TRPM2: variants seen among roughly 807,000 people sequenced by gnomAD.
TRPM2 encodes transient receptor potential cation channel subfamily M member 2.
Under a neutral mutation model 174.0 loss-of-function variants are expected in TRPM2, and 161 were observed. That is an observed-to-expected ratio of 0.93 (90% CI 0.81 to 1.05). TRPM2 has a LOEUF of 1.05. TRPM2 is among the 50% of genes least tolerant of loss of function. The pLI is 0.00. For synonymous variants in TRPM2, 954 were observed against 861.3 expected (o/e 1.11, Z -1.88); for missense variants, 2,057 against 2,038.0 (o/e 1.01, Z -0.18).
At position 44,439,288 on chromosome 21, in the gene TRPM2, AC is replaced by A; in HGVS notation, c.4269+122del. On this transcript the variant is annotated intron_variant, in intron 30 of 31. Coordinates refer to ENST00000397928, the MANE Select transcript of TRPM2 (RefSeq NM_003307.4). The surrounding 1 kb of genome is among the most constrained non-coding windows in gnomAD (Gnocchi z 5.1). The stretch of plus-strand genomic sequence containing the variant: ...GGTGGCAGCGGTCCCACCCAGCTTC[AC>A]CAGGTGACGGTGGTCCCAGCCCCTG... 2.3e-6 allele frequency: 2 copies of A among 855,114 alleles called. No individual in the cohort carries two copies. The highest frequency in any genetic ancestry group is 3.7e-6 in the Non-Finnish European group (2 of 540,212). 53.0% of individuals were successfully genotyped at this position (855,114 alleles called of 1,614,324 possible).
intron 7 of TRPM2, among the ~76,000 whole-genome samples, chr21:44,378,101 C>G (rs942494466): frequency 2.6e-5 from 4 of 152,152 alleles, no homozygotes; most frequent in African/African-American, 9.7e-5. Context: ...TGGGGGGTTT[C>G]TACAACTCTG....
chr21:44,371,195 G>A (rs1297210532), intron 5 of TRPM2, among the ~76,000 whole-genome samples: 2 of 152,128 alleles, frequency 1.3e-5, no homozygotes, highest in African/African-American at 4.8e-5. Flanking sequence ...CCTGGCCAGT[G>A]GCCACCTCCC....
chr21:44,401,591 GCACGGGGGAT>G, intron 15 of TRPM2, 80 bp from the exon 16 acceptor site: 1 of 1,352,052 alleles, frequency 7.4e-7, no homozygotes, highest in South Asian at 1.2e-5. Context: ...TCTCTGAGGG[GCACGGGGGAT>G]CACGGGGTGG....
chr21:44,433,969 C>T (rs888313985), intron 27 of TRPM2, among the ~76,000 whole-genome samples: 8 of 152,086 alleles, frequency 5.3e-5, no homozygotes, highest in Non-Finnish European at 1.0e-4. Flanking sequence ...GAGGCTGCCC[C>T]GCCAGGCAGG....
intron 29 of TRPM2, 25 bp downstream of exon 29, chr21:44,437,192 C>T: frequency 6.5e-7 from 1 of 1,537,640 alleles, no homozygotes; most frequent in African/African-American, 1.4e-5. Flanking sequence ...TGTGGGACCT[C>T]TGTCCACTGG....
chr21:44,436,989 C>T (rs1248557771), intron 28 of TRPM2, 73 bp from the exon 29 acceptor site: 9 of 1,400,296 alleles, frequency 6.4e-6, no homozygotes, highest in Non-Finnish European at 9.8e-7. Flanking sequence ...CAGGCAGGGC[C>T]AGCCCCGCCG....
At chr21:44,372,162 C>A (rs1347667775) in intron 5 of TRPM2, among the ~76,000 whole-genome samples, 1 of 151,226 alleles carries the variant, frequency 6.6e-6, no homozygotes, top group African/African-American at 2.4e-5. Context: ...TCCCCTCCAA[C>A]TACAAACCTG....
At position 44,435,137 on chromosome 21, in the gene TRPM2, C is replaced by T. The variant is rs1315932054; in HGVS notation, c.3981C>T (p.Pro1327=). The T allele has an allele frequency of 6.2e-7, 1 of 1,612,712 alleles. No individual in the cohort carries two copies. Among genetic ancestry groups the T allele is most frequent in the African/African-American group, 1.3e-5 (1 of 74,894 alleles). ...YTVQAGLPLN[P]MGRTGLRGRG... Reference sequence around the variant, plus strand: ...CAACCCCTCTGCATCCCAGGAACCCCATGGGCCGCACAGGACTGCGTGGGC... The same window carrying T: ...CAACCCCTCTGCATCCCAGGAACCCTATGGGCCGCACAGGACTGCGTGGGC... The change falls in exon 28 of 32, where the codon CCC becomes CCT. Residue 1327 remains proline (P), a synonymous_variant. Coordinates refer to ENST00000397928, the MANE Select transcript of TRPM2 (RefSeq NM_003307.4).
intron 16 of TRPM2, among the ~76,000 whole-genome samples, chr21:44,403,026 T>G (rs1246847629): frequency 6.6e-6 from 1 of 152,156 alleles, no homozygotes; most frequent in Non-Finnish European, 1.5e-5. Context: ...GGTCCAGGAC[T>G]TGGCGGGGCC....
At position 44,366,492 on chromosome 21, in the gene TRPM2, G is replaced by A. The variant is rs1181130306; in HGVS notation, c.424-262G>A. ...GAAGAGGAAAAAGTGGGTGCCGTGG[G>A]GGCACGAGGGCTGGGGGAGGTTTGC... On this transcript the variant is annotated intron_variant, in intron 3 of 31. Coordinates refer to ENST00000397928, the MANE Select transcript of TRPM2 (RefSeq NM_003307.4). The surrounding 1 kb of genome is among the most constrained non-coding windows in gnomAD (Gnocchi z 6.0). Among the ~76,000 whole-genome samples, 1 of 152,154 alleles carries A rather than the reference G, an allele frequency of 6.6e-6. No individual in the cohort carries two copies. The highest frequency in any genetic ancestry group is 1.5e-5 in the Non-Finnish European group (1 of 68,020).
At chr21:44,409,458 CCA>C (rs1294085804) in intron 19 of TRPM2, among the ~76,000 whole-genome samples, 1 of 152,166 alleles carries the variant, frequency 6.6e-6, no homozygotes, top group African/African-American at 2.4e-5. Context: ...TGTGCCAGAA[CCA>C]CACTGTCTTG....
rs1004192058 is a variant in TRPM2 at position 44,379,287 on chromosome 21, G to A, written c.1215+90G>A. On this transcript the variant is annotated intron_variant, in intron 8 of 31. Transcript: ENST00000397928. ...TGGGCAGGACCAGGACTCATGGACCGATGCGGAGAACCCACTGGGTCTGAG... is the reference window on the plus strand; with the variant it reads ...TGGGCAGGACCAGGACTCATGGACCAATGCGGAGAACCCACTGGGTCTGAG... The A allele has an allele frequency of 2.1e-5, 30 of 1,453,622 alleles. No individual in the cohort carries two copies. The Admixed American group carries it at 2.3e-4, about 11-fold the overall frequency. 90.0% of individuals were successfully genotyped at this position (1,453,622 alleles called of 1,614,324 possible).
intron 2 of TRPM2, among the ~76,000 whole-genome samples, chr21:44,359,804 A>G (rs1046633332): frequency 4.6e-5 from 7 of 151,194 alleles, no homozygotes; most frequent in African/African-American, 1.7e-4. Context: ...CTGGAGTGCA[A>G]TGGCCTGATC....
intron 5 of TRPM2, among the ~76,000 whole-genome samples, chr21:44,373,525 A>G (rs915636649): frequency 2.0e-5 from 3 of 150,282 alleles, no homozygotes; most frequent in Non-Finnish European, 4.4e-5. Flanking sequence ...CGAACAGTGA[A>G]TCTCTTTTCA....
chr21:44,390,059 A>G lies in TRPM2; in HGVS notation c.1319-845A>G, dbSNP rs564564096. ...GGCTAATTTTTTGTATTTTTAGTAAAGACAGGGTTTCGCCGTGTTAGCCAG... is the reference window on the plus strand; with the variant it reads ...GGCTAATTTTTTGTATTTTTAGTAAGGACAGGGTTTCGCCGTGTTAGCCAG... On this transcript the variant is annotated intron_variant, in intron 9 of 31. Transcript: ENST00000397928. Among the ~76,000 whole-genome samples, 5 of 152,076 alleles carry G rather than the reference A, an allele frequency of 3.3e-5. No individual in the cohort carries two copies. In the East Asian group the frequency reaches 9.7e-4, roughly 29 times the overall value.
At chr21:44,381,756 CATT>C (rs1052409182) in intron 8 of TRPM2, among the ~76,000 whole-genome samples, 2 of 151,876 alleles carry the variant, frequency 1.3e-5, no homozygotes, top group Non-Finnish European at 2.9e-5. Flanking sequence ...AAAATACAAA[CATT>C]ATCCAGGCAT....
intron 22 of TRPM2, among the ~76,000 whole-genome samples, chr21:44,420,688 A>G (rs2050517664): frequency 6.6e-6 from 1 of 151,938 alleles, no homozygotes. Context: ...ATGCTGGGGG[A>G]AGGTGCTTGG....
At chr21:44,407,511 A>C (rs1044114330) in intron 19 of TRPM2, among the ~76,000 whole-genome samples, 2 of 140,308 alleles carry the variant, frequency 1.4e-5, no homozygotes, top group African/African-American at 5.3e-5. Context: ...ACCTGGATAA[A>C]GTGCACCTGT....
At chr21:44,361,584 A>G (rs2048210126) in intron 2 of TRPM2, among the ~76,000 whole-genome samples, 1 of 151,252 alleles carries the variant, frequency 6.6e-6, no homozygotes, top group Non-Finnish European at 1.5e-5. Flanking sequence ...TATTTAGTGT[A>G]ATTATTGGTA....
Sources: allele counts gnomAD v4.1 joint callset (sites outside exome capture counted in the v4.1 genomes callset), GRCh38; gene constraint gnomAD v4.1.1; non-coding constraint Gnocchi (gnomAD v3.1); transcripts MANE v1.5; gene names NCBI Gene and HGNC (gene_info 2026-07-23, HGNC 2026-07-21).